Variants in SEC16B observed in about 807,000 individuals in gnomAD.
SEC16B encodes protein transport protein Sec16B.
SEC16B carries 115 observed loss-of-function variants against 141.8 expected under a neutral mutation model. The observed-to-expected ratio is 0.81, with a 90% CI of 0.70 to 0.95. The LOEUF is 0.95. Among genes scored for constraint, SEC16B ranks in the 40% least tolerant of loss-of-function variants. The pLI, the probability that SEC16B is intolerant of heterozygous loss-of-function variation, is 0.00. For missense variants in SEC16B, 1,291 were observed against 1,312.3 expected, an observed-to-expected ratio of 0.98 and a Z score of 0.25; for synonymous variants, 493 against 492.5, an observed-to-expected ratio of 1.00 and a Z score of -0.01.
At chr1:177,931,161 G>A (rs537189734) in intron 24 of SEC16B, among the ~76,000 whole-genome samples, 11 of 152,286 alleles carry the variant, frequency 7.2e-5, no homozygotes, top group East Asian at 1.9e-4. Flanking sequence ...ATTGCAAAAC[G>A]TGGAACCAAC....
intron 20 of SEC16B, among the ~76,000 whole-genome samples, chr1:177,935,836 T>C (rs10913465): frequency 0.083 from 12,698 of 152,210 alleles, 786 homozygotes; most frequent in East Asian, 0.29. Flanking sequence ...CAGAGCTAGA[T>C]GGAATGATTC....
chr1:177,973,544 T>G (rs1654047066), upstream of SEC16B, among the ~76,000 whole-genome samples: 1 of 152,242 alleles, frequency 6.6e-6, no homozygotes, highest in African/African-American at 2.4e-5. Context: ...CATCAGTTAC[T>G]AATTAGGCAT....
Position 177,932,536 on chromosome 1 carries a change from C to G in SEC16B, c.2966G>C (p.Gly989Ala). 6.4e-7 allele frequency: 1 copy of G among 1,561,302 alleles called. No individual in the cohort carries two copies. Among genetic ancestry groups the G allele is most frequent in the East Asian group, 2.4e-5 (1 of 41,210 alleles). The change falls in exon 24 of 26, where the codon GGG becomes GCG. Residue 989 changes from glycine to alanine, a missense_variant. Around this residue, in one of 3 missense-constraint regions of SEC16B, gnomAD observed 605 missense variants for 614.1 expected, o/e 0.99. Coordinates refer to ENST00000308284, the MANE Select transcript of SEC16B (RefSeq NM_033127.4). ...AACCCCAGCGCCCGCAGCTGCTCCC[C>G]CGCTGGATGCGGATCCTCGGCCTTC... Reference protein sequence around the residue: ...GGEGRGSASSGGAAAGAGVGG... With the variant: ...GGEGRGSASSAGAAAGAGVGG...
chr1:177,960,077 C>T (rs1652936873), intron 8 of SEC16B: 3 of 448,622 alleles, frequency 6.7e-6, no homozygotes, highest in South Asian at 4.1e-5. Flanking sequence ...AAACTTCCAA[C>T]CATGCAGCCT....
At chr1:177,955,935 G>A (rs1486740094) in intron 10 of SEC16B, among the ~76,000 whole-genome samples, 2 of 152,216 alleles carry the variant, frequency 1.3e-5, no homozygotes, top group Non-Finnish European at 2.9e-5. Context: ...GCTATAGGGG[G>A]TTTAGTTAAA....
upstream of SEC16B, among the ~76,000 whole-genome samples, chr1:177,974,970 A>G (rs2102021474): frequency 6.6e-6 from 1 of 152,336 alleles, no homozygotes; most frequent in East Asian, 1.9e-4. Context: ...AGAGGTGAAG[A>G]TGGGCACAGG....
intron 1 of SEC16B, among the ~76,000 whole-genome samples, chr1:177,977,855 C>T (rs1180823491): frequency 6.6e-6 from 1 of 152,154 alleles, no homozygotes; most frequent in Non-Finnish European, 1.5e-5. Flanking sequence ...CGCCTAATCT[C>T]TATGAGCCCA....
Position 177,956,546 on chromosome 1 carries a change from T to C in SEC16B, c.1365+1586A>G, listed in dbSNP as rs542251931. 2.0e-5 allele frequency among the ~76,000 whole-genome samples: 3 copies of C among 152,118 alleles called. 1 individual carries two copies. Among genetic ancestry groups the C allele is most frequent in the South Asian group, 4.2e-4 (2 of 4,818 alleles). On this transcript the variant is annotated intron_variant, in intron 10 of 25. Coordinates refer to ENST00000308284, the MANE Select transcript of SEC16B (RefSeq NM_033127.4). ...GGAGCATCATTTCCCAAGTATATCT[T>C]TTTTATATTTTAATTTTTGAATTAA...
At position 177,964,943 on chromosome 1, in the gene SEC16B, G is replaced by C; in HGVS notation, c.533+104C>G. 1.5e-6 allele frequency: 2 copies of C among 1,357,584 alleles called. 1 individual carries two copies. The highest frequency in any genetic ancestry group is 2.6e-5 in the South Asian group (2 of 77,780). 84.1% of individuals were successfully genotyped at this position (1,357,584 alleles called of 1,614,324 possible). A position where few individuals can be genotyped will look rare whatever the true frequency, so the allele number is the denominator to read the frequency against. On this transcript the variant is annotated intron_variant, in intron 4 of 25. Coordinates refer to ENST00000308284, the MANE Select transcript of SEC16B (RefSeq NM_033127.4). ...CCCTGTGGCTACAACAAAGGTACAT[G>C]GGCTTCTGGAGGTGAGATGGCAGCA... is the stretch of plus-strand genomic sequence containing the variant.
chr1:177,942,305 G>A (rs979283153), intron 15 of SEC16B, among the ~76,000 whole-genome samples: 1 of 152,192 alleles, frequency 6.6e-6, no homozygotes, highest in African/African-American at 2.4e-5. Context: ...AAAGTGCACT[G>A]GAGTCCTTAT....
intron 10 of SEC16B, among the ~76,000 whole-genome samples, chr1:177,956,250 A>G (rs1196095813): frequency 1.3e-5 from 2 of 152,138 alleles, no homozygotes; most frequent in African/African-American, 2.4e-5. Context: ...CTGCTTTCAC[A>G]CTATAAGGGC....
intron 1 of SEC16B, among the ~76,000 whole-genome samples, chr1:177,969,139 T>C (rs1164008838): frequency 3.9e-5 from 6 of 152,230 alleles, no homozygotes; most frequent in African/African-American, 1.2e-4. Flanking sequence ...TGCAAGATTC[T>C]GATCAAATCA....
chr1:177,951,125 A>G (rs956881561), intron 12 of SEC16B, among the ~76,000 whole-genome samples: 1 of 152,218 alleles, frequency 6.6e-6, no homozygotes, highest in Non-Finnish European at 1.5e-5. Context: ...ATACGTGTAT[A>G]TATATGAAAT....
chr1:177,966,619 G>A (rs1653540476), intron 2 of SEC16B, among the ~76,000 whole-genome samples: 2 of 152,212 alleles, frequency 1.3e-5, no homozygotes, highest in African/African-American at 2.4e-5. Context: ...AGGCTGGAGT[G>A]CAGTGGCGTG....
upstream of SEC16B, among the ~76,000 whole-genome samples, chr1:177,974,586 A>G (rs1238116756): frequency 6.8e-6 from 1 of 146,294 alleles, no homozygotes; most frequent in Non-Finnish European, 1.5e-5. Context: ...GGATTTGACA[A>G]TTAAGAGGTT....
In SEC16B at chr1:177,958,940, C is replaced by G; in HGVS notation, c.1034G>C (p.Cys345Ser). ...DVHKVDIMTF[C>S]QQKAAQSCKS... ...GCAGCTCTGAGCTGCTTTCTGCTGG[C>G]AAAACGTCATAATATCCACCTTATG... The change falls in exon 9 of 26, where the codon TGC becomes TCC. Residue 345 changes from cysteine (C) to serine (S), a missense_variant. Cys to Ser is a moderately radical substitution (Grantham distance 112). Coordinates refer to ENST00000308284, the MANE Select transcript of SEC16B (RefSeq NM_033127.4). 1 of 1,613,594 alleles carries G rather than the reference C, an allele frequency of 6.2e-7. No individual in the cohort carries two copies. Among genetic ancestry groups the G allele is most frequent in the Non-Finnish European group, 8.5e-7 (1 of 1,179,738 alleles).
chr1:177,960,694 G>C (rs1652989277), intron 7 of SEC16B, 97 bp downstream of exon 7: 1 of 1,343,714 alleles, frequency 7.4e-7, no homozygotes, highest in South Asian at 1.5e-5. Flanking sequence ...CATTCCTGGA[G>C]ATGCCCCGGC....
upstream of SEC16B, among the ~76,000 whole-genome samples, chr1:177,972,781 T>C (rs998054232): frequency 6.6e-6 from 1 of 152,168 alleles, no homozygotes; most frequent in East Asian, 1.9e-4. Context: ...TAACTCCCAA[T>C]GTGATGGTAT....
At chr1:177,946,612 T>G in intron 13 of SEC16B, 81 bp from the exon 14 acceptor site, 1 of 1,067,028 alleles carries the variant, frequency 9.4e-7, no homozygotes, top group South Asian at 1.5e-5. Flanking sequence ...GGGAGACAGA[T>G]GGAAGAGTGG....
Sources: gnomAD v4.1 joint callset for allele counts (sites outside exome capture counted in the v4.1 genomes callset) on GRCh38, gnomAD v4.1.1 for gene constraint, gnomAD v4.1.1 regional missense constraint, MANE v1.5 for transcripts, NCBI Gene and HGNC (gene_info 2026-07-23, HGNC 2026-07-21) for gene names.